Variants in MACF1 observed in about 807,000 individuals in gnomAD.
The protein encoded by MACF1 is microtubule-actin cross-linking factor 1.
MACF1 carries 193 observed loss-of-function variants against 854.8 expected under a neutral mutation model. That is an observed-to-expected ratio of 0.23 (90% CI 0.20 to 0.25). The LOEUF is 0.25. Ranked by LOEUF, MACF1 falls within the 10% of genes least tolerant of loss-of-function variation. The pLI, the probability that MACF1 is intolerant of heterozygous loss-of-function variation, is 1.00. For synonymous variants in MACF1, 3,185 were observed against 3,226.7 expected (o/e 0.99, Z 0.44); for missense variants, 7,722 against 8,929.1 (o/e 0.86, Z 5.45).
rs764769884 is a variant in MACF1 at position 39,332,205 on chromosome 1, A to C, written c.5617A>C (p.Thr1873Pro). The C allele has an allele frequency of 3.1e-6, 5 of 1,614,102 alleles. No individual in the cohort carries two copies. The highest frequency in any genetic ancestry group is 4.2e-6 in the Non-Finnish European group (5 of 1,180,026). The change falls in exon 37 of 101, where the codon ACT (threonine) becomes CCT (proline). Residue 1873 changes from threonine to proline, a missense_variant. By Grantham distance (38) the Thr-to-Pro change is conservative. Coordinates refer to ENST00000564288, the MANE Select transcript of MACF1 (RefSeq NM_001394062.1). Reference protein sequence around the residue: ...TDALEQGIVSTELAHKILSNR... With the variant: ...TDALEQGIVSPELAHKILSNR... ...TGCCCTAGAACAAGGTATTGTGTCT[A>C]CTGAACTAGCACATAAAATCCTTAG...
intron 58 of MACF1, chr1:39,414,104 C>T (rs1163197545): frequency 1.7e-5 from 28 of 1,607,188 alleles, no homozygotes; most frequent in Non-Finnish European, 2.3e-5. Context: ...CCCGAGGAGC[C>T]TGCCTCCCCA....
At position 39,284,166 on chromosome 1, in the gene MACF1, A is replaced by C; in HGVS notation, c.1016A>C (p.Gln339Pro). 1.9e-6 allele frequency: 3 copies of C among 1,613,446 alleles called. No individual in the cohort carries two copies. Among genetic ancestry groups the C allele is most frequent in the Non-Finnish European group, 2.5e-6 (3 of 1,179,784 alleles). The stretch of plus-strand genomic sequence containing the variant: ...CTGATGTCAGATAAAACTTTTCCCC[A>C]AAACCCTGTTGAACTAAAGGTAAAG... ...TILMSDKTFP[Q>P]NPVELKALYN... The change falls in exon 10 of 101, where the codon CAA becomes CCA. Residue 339 changes from glutamine to proline, a missense_variant. This residue lies in a region of MACF1 where 97 missense variants were observed against 130.4 expected (regional missense o/e 0.74). Coordinates refer to ENST00000564288, the MANE Select transcript of MACF1 (RefSeq NM_001394062.1).
At chr1:39,393,788 C>CA (rs757245629) in intron 58 of MACF1, among the ~76,000 whole-genome samples, 1 of 132,166 alleles carries the variant, frequency 7.6e-6, no homozygotes, top group African/African-American at 3.1e-5. Flanking sequence ...CAGCGTGTAA[C>CA]AGAGTGAGAC....
chr1:39,411,677 A>G, intron 58 of MACF1: 1 of 1,613,860 alleles, frequency 6.2e-7, no homozygotes, highest in Non-Finnish European at 8.5e-7. Flanking sequence ...CTTGAACTTG[A>G]AAAGGAGTGT....
intron 15 of MACF1, among the ~76,000 whole-genome samples, chr1:39,289,457 T>C (rs1023493443): frequency 6.6e-6 from 1 of 152,196 alleles, no homozygotes; most frequent in Non-Finnish European, 1.5e-5. Context: ...TGATATCACA[T>C]TGTAGTTTTG....
rs969676555 is a variant in MACF1, at chr1:39,331,257, A to G, written c.4669A>G (p.Ile1557Val). Residue 1557 changes from isoleucine (I) to valine (V), a missense_variant, in exon 37 of 101, where the codon ATC becomes GTC. Physicochemically the swap from Ile to Val is conservative, Grantham distance 29 (BLOSUM62 3). Around this residue, in one of 15 missense-constraint regions of MACF1, gnomAD observed 1,531 missense variants for 1,601.6 expected, o/e 0.96. Transcript: ENST00000564288. ...IDLGTVEIFPIFKAMQKGLLD... is the reference protein window; with the variant it reads ...IDLGTVEIFPVFKAMQKGLLD... ...CCTAGGCACAGTGGAGATATTTCCCATCTTCAAAGCCATGCAAAAGGGCCT... is the reference window on the plus strand; with the variant it reads ...CCTAGGCACAGTGGAGATATTTCCCGTCTTCAAAGCCATGCAAAAGGGCCT... 7 of 1,600,016 alleles carry G rather than the reference A, an allele frequency of 4.4e-6. No homozygotes were observed. The African/African-American group carries it at 8.7e-5, about 20-fold the overall frequency.
intron 2 of MACF1, among the ~76,000 whole-genome samples, chr1:39,111,452 G>A (rs1023270275): frequency 6.6e-6 from 1 of 151,672 alleles, no homozygotes; most frequent in African/African-American, 2.4e-5. Context: ...GTGCGAACTC[G>A]GCTCACTGCA....
At chr1:39,374,199 G>A (rs1011827518) in intron 52 of MACF1, among the ~76,000 whole-genome samples, 2 of 152,074 alleles carry the variant, frequency 1.3e-5, no homozygotes, top group Non-Finnish European at 2.9e-5. Flanking sequence ...CCAAGATTGC[G>A]CCACTGCACT....
chr1:39,399,012 C>G (rs1322238802), intron 58 of MACF1, among the ~76,000 whole-genome samples: 3 of 152,182 alleles, frequency 2.0e-5, no homozygotes, highest in African/African-American at 7.2e-5. Context: ...GATTGGATAG[C>G]TAGCATATAC....
rs779055158 is a variant in MACF1 at position 39,250,118 on chromosome 1, A to T, written c.261+15A>T. The stretch of plus-strand genomic sequence containing the variant: ...GCATCAAACTGGTGAGCTTCTCCTA[A>T]TGAATGGCCTCACAATTGTGGCCCT... On this transcript the variant is annotated intron_variant, in intron 3 of 100. Transcript: ENST00000564288. 2 of 1,569,234 alleles carry T rather than the reference A, an allele frequency of 1.3e-6. No homozygotes were observed. Among genetic ancestry groups the T allele is most frequent in the Non-Finnish European group, 1.8e-6 (2 of 1,139,722 alleles).
At chr1:39,479,247 T>G (rs116784299) in intron 97 of MACF1, among the ~76,000 whole-genome samples, 3,948 of 152,350 alleles carry the variant, frequency 0.026, 86 homozygotes, top group Middle Eastern at 0.075. Context: ...CCCACCGACA[T>G]GTTTACTTCT....
Position 39,452,385 on chromosome 1 carries a change from G to C in MACF1, c.20613+35G>C, listed in dbSNP as rs377462051. ...ATTTGCTGTCCCAACCCAAGGGATA[G>C]ATCTGAGTGGGTTTATTTGGTTTTT... is the stretch of plus-strand genomic sequence containing the variant. On this transcript the variant is annotated intron_variant, in intron 86 of 100. Coordinates refer to ENST00000564288, the MANE Select transcript of MACF1 (RefSeq NM_001394062.1). 4.7e-5 allele frequency: 74 copies of C among 1,574,136 alleles called. 1 individual carries two copies. The highest frequency in any genetic ancestry group is 1.6e-5 in the Non-Finnish European group (18 of 1,157,750).
intron 20 of MACF1, 152 bp downstream of exon 20, chr1:39,296,034 T>G: frequency 3.2e-6 from 2 of 634,050 alleles, no homozygotes; most frequent in Non-Finnish European, 5.4e-6. Context: ...AGCTCATGAT[T>G]CAGTAGGTGA....
At chr1:39,463,546 T>C (rs1644600883) in intron 93 of MACF1, 66 bp from the exon 94 acceptor site, 4 of 1,159,238 alleles carry the variant, frequency 3.5e-6, no homozygotes, top group East Asian at 4.7e-5. Context: ...TATAAAAATC[T>C]TTGTTTCTCT....
rs1461908975 is a variant in MACF1, at chr1:39,333,662, A to G, written c.7074A>G (p.Lys2358=). The change falls in exon 37 of 101, where the codon AAA becomes AAG. Residue 2358 remains lysine, a synonymous_variant. Transcript: ENST00000564288. ...EVINEGLMDE[K]LLHNVLMADK... is the part of the protein sequence containing the mutation. ...TTAATGAAGGTCTGATGGATGAGAA[A>G]TTATTACATAATGTCCTCATGGCAG... The G allele has an allele frequency of 1.2e-6, 2 of 1,614,212 alleles. No homozygotes were observed. The highest frequency in any genetic ancestry group is 3.3e-5 in the Admixed American group (2 of 60,024).
At chr1:39,359,362 C>T (rs1376354808) in intron 47 of MACF1, 98 bp downstream of exon 47, 1 of 1,367,002 alleles carries the variant, frequency 7.3e-7, no homozygotes, top group African/African-American at 1.4e-5. Context: ...ATCTGTGGTG[C>T]CAGGCTAGAG....
rs1645601891 is a variant in MACF1, at chr1:39,284,098, C to T, written c.948C>T (p.Ser316=). 6.2e-7 allele frequency: 1 copy of T among 1,613,902 alleles called. No homozygotes were observed. The stretch of plus-strand genomic sequence containing the variant: ...ACTCCAGGTGGCAAGAATACCAAAG[C>T]CGAGTGGACTCCCTCATTCCCTGGA... The part of the protein sequence containing the change: ...EVDSRWQEYQ[S]RVDSLIPWIK... The change falls in exon 10 of 101, where the codon AGC becomes AGT. Residue 316 remains serine (S), a synonymous_variant. Coordinates refer to ENST00000564288, the MANE Select transcript of MACF1 (RefSeq NM_001394062.1).
At chr1:39,485,415 G>A in intron 100 of MACF1, 123 bp from the exon 101 acceptor site, 3 of 1,125,532 alleles carry the variant, frequency 2.7e-6, no homozygotes, top group South Asian at 3.3e-5. Context: ...GAGGAAACTG[G>A]GGTGCAGAAA....
At chr1:39,275,929 T>C (rs114139203) in intron 6 of MACF1, among the ~76,000 whole-genome samples, 9 of 152,028 alleles carry the variant, frequency 5.9e-5, no homozygotes, top group African/African-American at 2.2e-4. Flanking sequence ...CTTCTTCTTT[T>C]TTTTTTTTTG....
Sources: gnomAD v4.1 joint callset for allele counts (sites outside exome capture counted in the v4.1 genomes callset) on GRCh38, gnomAD v4.1.1 for gene constraint, gnomAD v4.1.1 regional missense constraint, MANE v1.5 for transcripts, NCBI Gene and HGNC (gene_info 2026-07-23, HGNC 2026-07-21) for gene names.